Variants in HADH observed in about 807,000 individuals in gnomAD.
HADH encodes the protein hydroxyacyl-CoA dehydrogenase.
HADH carries 24 observed loss-of-function variants against 32.2 expected under a neutral mutation model. The ratio of observed to expected loss-of-function variants is 0.75; its 90% CI spans 0.54 to 1.05. The LOEUF is 1.05. Among genes scored for constraint, HADH ranks in the 50% least tolerant of loss-of-function variants. The pLI is 0.00. For missense variants in HADH, 350 were observed against 397.1 expected, an observed-to-expected ratio of 0.88 and a Z score of 1.01; for synonymous variants, 139 against 152.5, an observed-to-expected ratio of 0.91 and a Z score of 0.65.
chr4:107,998,370 C>A (rs1372409395), intron 1 of HADH, among the ~76,000 whole-genome samples: 1 of 152,192 alleles, frequency 6.6e-6, no homozygotes, highest in African/African-American at 2.4e-5. Flanking sequence ...GTGTCCACCT[C>A]CCAGGTTCAA....
At chr4:108,013,193 A>T (rs553046931) in intron 2 of HADH, among the ~76,000 whole-genome samples, 123 of 152,334 alleles carry the variant, frequency 8.1e-4, no homozygotes, top group African/African-American at 2.7e-3. Flanking sequence ...GGCCTCCCGA[A>T]GTGCTGGGAT....
In HADH at chr4:107,991,111, C is replaced by G. The variant is rs144901852; in HGVS notation, c.132+1047C>G. ...GTTCTGCTGAGCTGTGGTTCAGGCT[C>G]AGTTGTGCGAGTGATTGATTACCTG... On this transcript the variant is annotated intron_variant, in intron 1 of 7. Coordinates refer to ENST00000309522, the MANE Select transcript of HADH (RefSeq NM_005327.7). Among the ~76,000 whole-genome samples the G allele has an allele frequency of 2.9e-3, 444 of 152,012 alleles. 5 individuals carry two copies. The highest frequency in any genetic ancestry group is 9.8e-3 in the African/African-American group (405 of 41,402).
chr4:108,032,489 C>T, intron 6 of HADH: 1 of 598,224 alleles, frequency 1.7e-6, no homozygotes, highest in Non-Finnish European at 3.1e-6. Context: ...CATACAAAAG[C>T]AGAAAGCTTA....
At chr4:108,020,637 A>G (rs1027211056) in intron 4 of HADH, among the ~76,000 whole-genome samples, 2 of 152,126 alleles carry the variant, frequency 1.3e-5, no homozygotes, top group African/African-American at 2.4e-5. Flanking sequence ...ACAGTAGGCA[A>G]TTTGCACCTG....
intron 1 of HADH, among the ~76,000 whole-genome samples, chr4:107,993,800 A>G (rs1234464699): frequency 2.6e-5 from 4 of 152,200 alleles, no homozygotes; most frequent in African/African-American, 7.2e-5. Flanking sequence ...GTGTTTGCTT[A>G]TTACACACTT....
Position 108,034,795 on chromosome 4 carries a change from A to C in HADH, c.*438A>C, listed in dbSNP as rs1296677893. On this transcript the variant is annotated 3_prime_UTR_variant, in exon 8 of 8. Transcript: ENST00000309522. ...TAGTCTGTGAAGCACTGCAGCGAGC[A>C]GCACCTGGATCTTGCCTTTATAAGA... The C allele has an allele frequency of 6.6e-6, 2 of 303,338 alleles. No homozygotes were observed. The highest frequency in any genetic ancestry group is 1.3e-5 in the Non-Finnish European group (2 of 155,232). The allele number at this position is 303,338 out of a possible 1,614,324, so 18.8% of individuals were successfully genotyped here. A position where few individuals can be genotyped will look rare whatever the true frequency, so the allele number is the denominator to read the frequency against.
At chr4:108,009,977 C>CATT in intron 2 of HADH, 90 bp downstream of exon 2, 1 of 550,030 alleles carries the variant, frequency 1.8e-6, no homozygotes, top group Non-Finnish European at 3.1e-6. Context: ...TTCTTTCTTT[C>CATT]TTTTTTTTTT....
At chr4:108,003,308 C>A in intron 1 of HADH, among the ~76,000 whole-genome samples, 1 of 152,116 alleles carries the variant, frequency 6.6e-6, no homozygotes, top group East Asian at 1.9e-4. Context: ...TGGAAGAAAG[C>A]TAGACGAACT....
At chr4:108,019,467 T>G in intron 3 of HADH, 73 bp from the exon 4 acceptor site, 1 of 1,372,608 alleles carries the variant, frequency 7.3e-7, no homozygotes, top group Non-Finnish European at 1.0e-6. Flanking sequence ...ACCTTGTGCA[T>G]TGCATCCAAG....
chr4:108,029,577 A>G (rs1237078837), intron 6 of HADH: 1 of 152,160 alleles, frequency 6.6e-6, no homozygotes, highest in Non-Finnish European at 1.5e-5. Context: ...GCAAGGAGAA[A>G]TTTTCTGTAC....
chr4:107,991,122 G>GCC (rs1444257120), intron 1 of HADH, among the ~76,000 whole-genome samples: 1 of 151,940 alleles, frequency 6.6e-6, no homozygotes, highest in Non-Finnish European at 1.5e-5. Flanking sequence ...AGTTGTGCGA[G>GCC]TGATTGATTA....
At chr4:108,033,342 C>T in intron 7 of HADH, 50 bp downstream of exon 7, 2 of 951,914 alleles carry the variant, frequency 2.1e-6, no homozygotes, top group South Asian at 2.6e-5. Flanking sequence ...TTTTTCTGAA[C>T]TGTAAATTAT....
chr4:108,028,704 G>A, intron 6 of HADH: 2 of 394,726 alleles, frequency 5.1e-6, no homozygotes, highest in Non-Finnish European at 8.9e-6. Flanking sequence ...ACACCTCAAA[G>A]AAAGCACAGA....
At chr4:108,033,118 T>C (rs1465688380) in intron 6 of HADH, 58 bp from the exon 7 acceptor site, 3 of 845,442 alleles carry the variant, frequency 3.5e-6, no homozygotes. Flanking sequence ...GCTAATCCTG[T>C]GATAGGGAGA....
chr4:108,003,328 A>G lies in HADH; in HGVS notation c.133-6431A>G, dbSNP rs539411054. Among the ~76,000 whole-genome samples, 5 of 152,256 alleles carry G rather than the reference A, an allele frequency of 3.3e-5. No individual in the cohort carries two copies. In the East Asian group the frequency reaches 9.7e-4, roughly 29 times the overall value. On this transcript the variant is annotated intron_variant, in intron 1 of 7. Coordinates refer to ENST00000309522, the MANE Select transcript of HADH (RefSeq NM_005327.7). ...GAAAGCTAGACGAACTTTCTCCGTC[A>G]AGTCCTTTTATAAAAACCTTTAATC...
chr4:108,019,181 G>T (rs1560733610), intron 3 of HADH, among the ~76,000 whole-genome samples: 1 of 152,090 alleles, frequency 6.6e-6, no homozygotes, highest in Non-Finnish European at 1.5e-5. Flanking sequence ...TGTGACTGGG[G>T]TTGGTTAAGT....
intron 1 of HADH, among the ~76,000 whole-genome samples, chr4:107,990,557 G>A (rs1362306078): frequency 4.6e-5 from 7 of 152,116 alleles, no homozygotes; most frequent in African/African-American, 1.7e-4. Flanking sequence ...ACGGCCTCCC[G>A]GCTCTCCCCG....
At chr4:108,017,586 C>T (rs1006780508) in intron 3 of HADH, among the ~76,000 whole-genome samples, 9 of 150,798 alleles carry the variant, frequency 6.0e-5, no homozygotes, top group Non-Finnish European at 1.2e-4. Context: ...CGGAGTCTCG[C>T]TCTGTCGCCC....
At chr4:108,031,157 G>A (rs1220549205) in intron 6 of HADH, 2 of 152,238 alleles carry the variant, frequency 1.3e-5, no homozygotes, top group Non-Finnish European at 2.9e-5. Context: ...CAGTACATAA[G>A]CATGTTAGGT....
Sources: gnomAD v4.1 joint callset for allele counts (sites outside exome capture counted in the v4.1 genomes callset) on GRCh38, gnomAD v4.1.1 for gene constraint, MANE v1.5 for transcripts, NCBI Gene and HGNC (gene_info 2026-07-23, HGNC 2026-07-21) for gene names.